The following RYR2 variants were observed in gnomAD, a reference collection of about 807,000 sequenced individuals.
RYR2 encodes ryanodine receptor 2, also known as cardiac muscle ryanodine receptor-calcium release channel.
RYR2 carries 227 observed loss-of-function variants against 601.1 expected under a neutral mutation model. The ratio of observed to expected loss-of-function variants is 0.38; its 90% CI spans 0.34 to 0.42. The LOEUF is 0.42. Among genes scored for constraint, RYR2 ranks in the 10% least tolerant of loss-of-function variants. RYR2 has a pLI of 1.00. For synonymous variants in RYR2, 2,223 were observed against 2,175.1 expected (o/e 1.02, Z -0.61); for missense variants, 4,646 against 6,156.5 (o/e 0.75, Z 8.21).
At chr1:237,577,462 C>A (rs191516870) in intron 29 of RYR2, among the ~76,000 whole-genome samples, 33 of 151,484 alleles carry the variant, frequency 2.2e-4, no homozygotes, top group African/African-American at 7.0e-4. Flanking sequence ...AATGTCATCA[C>A]AAGGATCCTT....
chr1:237,505,483 C>T (rs1665126225), intron 22 of RYR2, among the ~76,000 whole-genome samples: 1 of 152,194 alleles, frequency 6.6e-6, no homozygotes. Context: ...CTTGTTCCCC[C>T]TTTTTATATC....
chr1:237,043,458 C>T (rs1660178773), intron 1 of RYR2, among the ~76,000 whole-genome samples: 1 of 152,176 alleles, frequency 6.6e-6, no homozygotes, highest in Admixed American at 6.5e-5. Context: ...AATTCTTTCT[C>T]CTTAAGTACC....
chr1:237,795,836 G>GTATATATA (rs1553329286), intron 96 of RYR2, among the ~76,000 whole-genome samples: 1,428 of 132,648 alleles, frequency 0.011, 27 homozygotes, highest in African/African-American at 0.039. Context: ...GTGTGTGTGT[G>GTATATATA]TATATATATA....
At chr1:237,719,077 G>A (rs1288969407) in intron 73 of RYR2, among the ~76,000 whole-genome samples, 1 of 152,072 alleles carries the variant, frequency 6.6e-6, no homozygotes, top group Non-Finnish European at 1.5e-5. Context: ...TGGGCAACAT[G>A]GCAAAACCCC....
At chr1:237,594,886 G>GTTTTTTTTTTGTTTTTTTTGTTT (rs1675646725) in intron 33 of RYR2, among the ~76,000 whole-genome samples, 1 of 60,402 alleles carries the variant, frequency 1.7e-5, no homozygotes, top group Admixed American at 2.3e-4. Context: ...ATATCACTGG[G>GTTTTTTTTTTGTTTTTTTTGTTT]TTTTTTTTTT....
chr1:237,719,893 G>A (rs1573660352), intron 73 of RYR2, among the ~76,000 whole-genome samples: 1 of 152,150 alleles, frequency 6.6e-6, no homozygotes, highest in Non-Finnish European at 1.5e-5. Context: ...ATGAGATTTG[G>A]GCAGGGACAC....
intron 27 of RYR2, among the ~76,000 whole-genome samples, chr1:237,553,857 CA>C (rs1670634494): frequency 6.6e-6 from 1 of 151,876 alleles, no homozygotes; most frequent in Non-Finnish European, 1.5e-5. Context: ...TTGATATTTA[CA>C]TATTGATCTT....
At chr1:237,286,878 G>A (rs775446415) in intron 2 of RYR2, among the ~76,000 whole-genome samples, 1 of 140,526 alleles carries the variant, frequency 7.1e-6, no homozygotes, top group Non-Finnish European at 1.5e-5. Flanking sequence ...TTTTAAATAT[G>A]TTTTTGCTTT....
chr1:237,651,540 C>T (rs1441348932), intron 51 of RYR2, 39 bp downstream of exon 51: 2 of 1,221,402 alleles, frequency 1.6e-6, no homozygotes, highest in Non-Finnish European at 2.3e-6. Flanking sequence ...TGATTACTGG[C>T]TTCTCTGACT....
intron 27 of RYR2, among the ~76,000 whole-genome samples, chr1:237,565,378 G>A (rs1671958882): frequency 6.6e-6 from 1 of 151,932 alleles, no homozygotes; most frequent in Non-Finnish European, 1.5e-5. Context: ...TGATCCTTCT[G>A]TATCAGCCTC....
At chr1:237,185,323 T>A (rs766666869) in intron 1 of RYR2, among the ~76,000 whole-genome samples, 4 of 152,130 alleles carry the variant, frequency 2.6e-5, no homozygotes, top group Admixed American at 6.6e-5. Context: ...TACCAAAACT[T>A]CCTGAGCAGC....
At chr1:237,724,177 G>A (rs1292434853) in intron 74 of RYR2, among the ~76,000 whole-genome samples, 1 of 88,454 alleles carries the variant, frequency 1.1e-5, no homozygotes, top group Admixed American at 1.4e-4. Flanking sequence ...AAATGTATGT[G>A]TGTGTGCATA....
chr1:237,641,497 C>CTTTCTT (rs1553265008), intron 47 of RYR2, among the ~76,000 whole-genome samples: 1,696 of 112,444 alleles, frequency 0.015, 19 homozygotes, highest in Non-Finnish European at 0.018. Context: ...TTCTTTCTTT[C>CTTTCTT]TTTCTTTCTT....
chr1:237,402,842 T>G (rs1703486095), intron 10 of RYR2, among the ~76,000 whole-genome samples: 1 of 11,000 alleles, frequency 9.1e-5, no homozygotes, highest in Non-Finnish European at 2.8e-4. Flanking sequence ...AGTACAGCGG[T>G]GAAATCATGG....
intron 41 of RYR2, 26 bp from the exon 42 acceptor site, chr1:237,631,401 C>A: frequency 1.4e-6 from 2 of 1,431,660 alleles, no homozygotes; most frequent in African/African-American, 1.4e-5. Flanking sequence ...CTGAGCTTTA[C>A]CCCATACGTC....
At chr1:237,794,624 T>TAATA (rs1269182763) in intron 95 of RYR2, among the ~76,000 whole-genome samples, 1 of 152,250 alleles carries the variant, frequency 6.6e-6, no homozygotes, top group Admixed American at 6.5e-5. Flanking sequence ...GCAATAGTTG[T>TAATA]AATAGTTTAT....
At chr1:237,684,669 C>T (rs554615932) in intron 62 of RYR2, among the ~76,000 whole-genome samples, 31 of 152,122 alleles carry the variant, frequency 2.0e-4, no homozygotes, top group Admixed American at 5.2e-4. Flanking sequence ...AAGGTACCCG[C>T]AGGTCATTCA....
intron 13 of RYR2, 99 bp downstream of exon 13, chr1:237,441,582 A>G (rs1210665853): frequency 3.4e-6 from 4 of 1,172,930 alleles, no homozygotes; most frequent in African/African-American, 3.1e-5. Context: ...GTCACCTGCA[A>G]AAGTTCATAA....
chr1:237,610,933 G>A lies in RYR2; in HGVS notation c.4855G>A (p.Val1619Met). 1 of 1,613,576 alleles carries A rather than the reference G, an allele frequency of 6.2e-7. No individual in the cohort carries two copies. The highest frequency in any genetic ancestry group is 8.5e-7 in the Non-Finnish European group (1 of 1,179,760). The change falls in exon 36 of 105, where the codon GTG becomes ATG. Residue 1619 changes from valine (V) to methionine (M), a missense_variant. Physicochemically the swap from Val to Met is conservative, Grantham distance 21 (BLOSUM62 1). Coordinates refer to ENST00000366574, the MANE Select transcript of RYR2 (RefSeq NM_001035.3). The surrounding 1 kb of genome is among the most constrained non-coding windows in gnomAD (Gnocchi z 4.9). ...SRISERQGWL[V>M]QCLDPLQFMS... ...AATAAGTGAACGCCAAGGCTGGTTG[G>A]TGCAGTGTTTGGATCCTCTGCAGTT...
Sources: allele counts gnomAD v4.1 joint callset (sites outside exome capture counted in the v4.1 genomes callset), GRCh38; gene constraint gnomAD v4.1.1; non-coding constraint Gnocchi (gnomAD v3.1); transcripts MANE v1.5; gene names NCBI Gene and HGNC (gene_info 2026-07-23, HGNC 2026-07-21).